Variants in EYS observed in about 807,000 individuals in gnomAD.
EYS encodes protein eyes shut homolog.
Under a neutral mutation model 282.1 loss-of-function variants are expected in EYS, and 250 were observed. That is an observed-to-expected ratio of 0.89 (90% CI 0.80 to 0.98). EYS has a LOEUF of 0.98. Among genes scored for constraint, EYS ranks in the 50% least tolerant of loss-of-function variants. The probability of loss-of-function intolerance (pLI) is 0.00; values close to 1 mark genes in which losing one functional copy is unlikely to be tolerated. For missense variants in EYS, 4,016 were observed against 3,709.0 expected (o/e 1.08, Z -2.15); for synonymous variants, 1,355 against 1,282.9 (o/e 1.06, Z -1.20).
chr6:63,725,170 T>G (rs1348151465), intron 42 of EYS, among the ~76,000 whole-genome samples: 2 of 152,254 alleles, frequency 1.3e-5, no homozygotes, highest in South Asian at 2.1e-4. Context: ...ATCAATCGTG[T>G]GAAACTAATG....
chr6:63,922,294 G>C (rs534808389), intron 35 of EYS, among the ~76,000 whole-genome samples: 2 of 152,320 alleles, frequency 1.3e-5, no homozygotes, highest in East Asian at 3.9e-4. Context: ...CTGGTACAGT[G>C]GCTCACGCCT....
intron 24 of EYS, among the ~76,000 whole-genome samples, chr6:64,612,715 C>T (rs1767152158): frequency 6.6e-6 from 1 of 151,998 alleles, no homozygotes; most frequent in South Asian, 2.1e-4. Context: ...ATCTCCCTAC[C>T]CAGCAGGGAC....
intron 29 of EYS, among the ~76,000 whole-genome samples, chr6:64,341,672 A>C (rs1467103816): frequency 6.6e-6 from 1 of 151,672 alleles, no homozygotes; most frequent in Non-Finnish European, 1.5e-5. Context: ...TGTAACTAAA[A>C]GCTGAAATTT....
intron 26 of EYS, among the ~76,000 whole-genome samples, chr6:64,450,329 C>T (rs1490281331): frequency 6.6e-6 from 1 of 152,054 alleles, no homozygotes. Flanking sequence ...ATATATGCAC[C>T]CAATACAGGA....
intron 21 of EYS, among the ~76,000 whole-genome samples, chr6:64,819,505 C>G (rs1398640450): frequency 6.6e-6 from 1 of 151,888 alleles, no homozygotes; most frequent in African/African-American, 2.4e-5. Context: ...AAAGAATTAA[C>G]AGACCCTTTG....
intron 36 of EYS, among the ~76,000 whole-genome samples, chr6:63,848,185 C>T (rs538945769): frequency 4.1e-4 from 63 of 152,078 alleles, no homozygotes; most frequent in Non-Finnish European, 6.0e-4. Context: ...TGACTTTTTA[C>T]GATGAGATTG....
intron 28 of EYS, among the ~76,000 whole-genome samples, chr6:64,423,310 C>A (rs116646372): frequency 6.6e-6 from 1 of 152,204 alleles, no homozygotes; most frequent in Non-Finnish European, 1.5e-5. Context: ...TTGAAACCAT[C>A]AAACCTAGAC....
intron 28 of EYS, among the ~76,000 whole-genome samples, chr6:64,434,043 T>C (rs9359921): frequency 0.31 from 46,782 of 151,762 alleles, 7,202 homozygotes; most frequent in East Asian, 0.46. Flanking sequence ...TATTTGGAAA[T>C]AGGGTCTTCA....
chr6:64,125,843 G>A (rs1252173764), intron 31 of EYS, among the ~76,000 whole-genome samples: 1 of 146,716 alleles, frequency 6.8e-6, no homozygotes, highest in Non-Finnish European at 1.5e-5. Context: ...GAGATGGAAT[G>A]AGACCCTCGA....
intron 2 of EYS, among the ~76,000 whole-genome samples, chr6:65,568,753 T>C (rs1315545282): frequency 1.3e-5 from 2 of 152,196 alleles, no homozygotes; most frequent in African/African-American, 4.8e-5. Flanking sequence ...TCAGGCTGTC[T>C]TTTCTAATTG....
At chr6:65,680,199 C>T (rs1474942998) in intron 1 of EYS, among the ~76,000 whole-genome samples, 1 of 151,638 alleles carries the variant, frequency 6.6e-6, no homozygotes, top group Non-Finnish European at 1.5e-5. Context: ...GGTCACGTAT[C>T]TTCACTAAAC....
chr6:64,650,979 A>G (rs1054564413), intron 22 of EYS, among the ~76,000 whole-genome samples: 3 of 152,068 alleles, frequency 2.0e-5, no homozygotes, highest in African/African-American at 7.2e-5. Flanking sequence ...ATACAACCTT[A>G]TTGTCTGGCA....
intron 26 of EYS, among the ~76,000 whole-genome samples, chr6:64,578,956 T>C (rs980578018): frequency 6.6e-6 from 1 of 152,150 alleles, no homozygotes; most frequent in African/African-American, 2.4e-5. Context: ...CACCACATGC[T>C]TCAAGTATAA....
chr6:64,538,732 T>TA (rs529632867), intron 26 of EYS, among the ~76,000 whole-genome samples: 10 of 152,138 alleles, frequency 6.6e-5, no homozygotes, highest in African/African-American at 1.7e-4. Flanking sequence ...TTAACTATCA[T>TA]AAAAAAATCT....
Position 65,689,582 on chromosome 6 carries a change from ATTATT to A in EYS, c.-448+17548_-448+17552del, listed in dbSNP as rs968193316. The stretch of plus-strand genomic sequence containing the variant: ...TGAAAAGTAGAAAAAATTATCCTAT[ATTATT>A]TTGAGTTGCTGTGATATATATGAAT... On this transcript the variant is annotated intron_variant, in intron 1 of 42. Transcript: ENST00000503581. Among the ~76,000 whole-genome samples the A allele has an allele frequency of 5.9e-4, 89 of 150,354 alleles. 2 individuals carry two copies. The highest frequency in any genetic ancestry group is 2.2e-3 in the African/African-American group (89 of 41,342).
At chr6:65,339,007 C>T (rs1770096772) in intron 10 of EYS, among the ~76,000 whole-genome samples, 1 of 151,080 alleles carries the variant, frequency 6.6e-6, no homozygotes, top group Admixed American at 6.6e-5. Context: ...TATATTAGTA[C>T]ATAGGGTCAC....
chr6:64,767,398 C>A, intron 22 of EYS, among the ~76,000 whole-genome samples: 1 of 151,926 alleles, frequency 6.6e-6, no homozygotes, highest in East Asian at 1.9e-4. Flanking sequence ...ATTTTGTATC[C>A]TTTACCAAAT....
In EYS at chr6:64,506,908, T is replaced by TAAAAAAAAAA. The variant is rs530521158; in HGVS notation, c.5645-67566_5645-67557dup. ...TGGGCGATAAAGCGAGGCTGTGTCT[T>TAAAAAAAAAA]AAAAAAAAAAAAAAAAACTGACTTA... On this transcript the variant is annotated intron_variant, in intron 26 of 42. Coordinates refer to ENST00000503581, the MANE Select transcript of EYS (RefSeq NM_001142800.2). Among the ~76,000 whole-genome samples the TAAAAAAAAAA allele has an allele frequency of 8.0e-4, 78 of 97,798 alleles. 2 individuals carry two copies. In the Middle Eastern group the frequency reaches 0.018, roughly 23 times the overall value. 64.2% of individuals were successfully genotyped at this position (97,798 alleles called of 152,430 possible).
intron 12 of EYS, among the ~76,000 whole-genome samples, chr6:65,119,279 T>C (rs1286960553): frequency 6.6e-6 from 1 of 152,160 alleles, no homozygotes; most frequent in Non-Finnish European, 1.5e-5. Flanking sequence ...ACCATTATCT[T>C]AGAGACATTT....
Sources: allele counts gnomAD v4.1 joint callset (sites outside exome capture counted in the v4.1 genomes callset), GRCh38; gene constraint gnomAD v4.1.1; transcripts MANE v1.5; gene names NCBI Gene and HGNC (gene_info 2026-07-23, HGNC 2026-07-21).